The following GRAMD1B variants were observed in gnomAD, a reference collection of about 807,000 sequenced individuals.
The protein encoded by GRAMD1B is protein Aster-B.
In GRAMD1B, 37 loss-of-function variants were observed where a neutral mutation model predicts 99.7. The observed-to-expected ratio is 0.37, with a 90% CI of 0.29 to 0.49. GRAMD1B has a LOEUF of 0.49. Among genes scored for constraint, GRAMD1B ranks in the 20% least tolerant of loss-of-function variants. The pLI, the probability that GRAMD1B is intolerant of heterozygous loss-of-function variation, is 0.98. For missense variants in GRAMD1B, 888 were observed against 1,009.2 expected (o/e 0.88, Z 1.63); for synonymous variants, 427 against 387.6 (o/e 1.10, Z -1.19).
intron 18 of GRAMD1B, 41 bp downstream of exon 18, chr11:123,618,841 C>T: frequency 1.0e-6 from 1 of 986,278 alleles, no homozygotes; most frequent in Non-Finnish European, 1.6e-6. Context: ...CTTCATCCCA[C>T]CCAGTGCCAT....
rs898657567 is a variant in GRAMD1B, at chr11:123,430,445, C to G, written c.-348C>G. On this transcript the variant is annotated 5_prime_UTR_variant, in exon 1 of 20. Transcript: ENST00000635736. ...CTGCCGAGTCCCGCTAAGGCAAAGA[C>G]GCCAGCAAGCGAGGAAGCGCAGCGG... 3 of 287,644 alleles carry G rather than the reference C, an allele frequency of 1.0e-5. No individual in the cohort carries two copies. The highest frequency in any genetic ancestry group is 6.7e-5 in the African/African-American group (3 of 45,018). 17.8% of individuals were successfully genotyped at this position (287,644 alleles called of 1,614,324 possible).
chr11:123,526,292 A>G (rs1942734090), intron 2 of GRAMD1B: 2 of 833,710 alleles, frequency 2.4e-6, no homozygotes, highest in Admixed American at 2.0e-5. Context: ...AGGGGTTAAG[A>G]TGTGGGGACT....
chr11:123,380,998 C>T (rs548284213), intron 1 of GRAMD1B, among the ~76,000 whole-genome samples: 5 of 151,554 alleles, frequency 3.3e-5, no homozygotes, highest in African/African-American at 1.2e-4. Flanking sequence ...TGTTTTTTTT[C>T]TCTTCCTATA....
chr11:123,517,969 C>T (rs975556305), intron 2 of GRAMD1B, among the ~76,000 whole-genome samples: 13 of 152,150 alleles, frequency 8.5e-5, no homozygotes, highest in African/African-American at 3.1e-4. Context: ...ATCAGTCACC[C>T]TGAATTTCTC....
At chr11:123,398,157 A>G (rs906916070) in intron 1 of GRAMD1B, among the ~76,000 whole-genome samples, 1 of 152,244 alleles carries the variant, frequency 6.6e-6, no homozygotes, top group African/African-American at 2.4e-5. Flanking sequence ...TGAGTTTTCC[A>G]AAGTGCTTTA....
chr11:123,511,189 T>C (rs1210116651), intron 2 of GRAMD1B, among the ~76,000 whole-genome samples: 2 of 152,120 alleles, frequency 1.3e-5, no homozygotes, highest in African/African-American at 4.8e-5. Flanking sequence ...TTCTCCCTGT[T>C]GTATAAGGAA....
chr11:123,391,262 C>T (rs1323774077), intron 1 of GRAMD1B, among the ~76,000 whole-genome samples: 1 of 150,472 alleles, frequency 6.6e-6, no homozygotes, highest in Non-Finnish European at 1.5e-5. Flanking sequence ...AACTTCTTTA[C>T]CCCATACCCA....
intron 1 of GRAMD1B, among the ~76,000 whole-genome samples, chr11:123,478,832 G>C (rs1951436841): frequency 2.0e-5 from 3 of 152,254 alleles, no homozygotes; most frequent in Middle Eastern, 3.4e-3. Context: ...TAAATGGTGT[G>C]TTCTCCCACA....
chr11:123,621,214 C>T (rs953531327), intron 19 of GRAMD1B, among the ~76,000 whole-genome samples: 1 of 152,104 alleles, frequency 6.6e-6, no homozygotes, highest in African/African-American at 2.4e-5. Flanking sequence ...TCCCTAAATC[C>T]GTAACCATTT....
chr11:123,462,997 A>ATTAT (rs1950510185), intron 1 of GRAMD1B, among the ~76,000 whole-genome samples: 1 of 147,848 alleles, frequency 6.8e-6, no homozygotes, highest in African/African-American at 2.5e-5. Context: ...CTTCATCTTT[A>ATTAT]TTATTTATTT....
intron 2 of GRAMD1B, among the ~76,000 whole-genome samples, chr11:123,533,539 A>G (rs1161067190): frequency 6.6e-6 from 1 of 151,396 alleles, no homozygotes; most frequent in African/African-American, 2.4e-5. Context: ...TGATTCTCCC[A>G]TCTCAGCCTC....
At chr11:123,600,898 C>T (rs113896493) in intron 8 of GRAMD1B, among the ~76,000 whole-genome samples, 25 of 152,194 alleles carry the variant, frequency 1.6e-4, no homozygotes, top group African/African-American at 5.5e-4. Context: ...CAGGGTCAGT[C>T]AGGAGATGGA....
intron 14 of GRAMD1B, among the ~76,000 whole-genome samples, chr11:123,611,409 G>T (rs559213309): frequency 3.3e-5 from 5 of 152,146 alleles, no homozygotes; most frequent in Admixed American, 3.3e-4. Context: ...ACTCCAGCCT[G>T]GGAGACAGAG....
intron 2 of GRAMD1B, among the ~76,000 whole-genome samples, chr11:123,483,447 C>T (rs544104993): frequency 3.4e-5 from 5 of 145,966 alleles, no homozygotes; most frequent in South Asian, 2.1e-4. Flanking sequence ...AGTGCAGTGG[C>T]GTGATCTCAA....
At chr11:123,569,519 T>C (rs1947820567) in intron 2 of GRAMD1B, among the ~76,000 whole-genome samples, 2 of 152,190 alleles carry the variant, frequency 1.3e-5, no homozygotes, top group South Asian at 4.1e-4. Flanking sequence ...GGAGTCCTCG[T>C]AGACTCTGAA....
At chr11:123,538,869 T>G (rs1473426470) in intron 2 of GRAMD1B, among the ~76,000 whole-genome samples, 1 of 152,032 alleles carries the variant, frequency 6.6e-6, no homozygotes, top group Non-Finnish European at 1.5e-5. Flanking sequence ...CCTCAGGTGA[T>G]CCACCCACCT....
chr11:123,605,557 CTGGGGAGCAGGTAG>C, intron 10 of GRAMD1B, 79 bp downstream of exon 10: 1 of 1,168,428 alleles, frequency 8.6e-7, no homozygotes, highest in African/African-American at 1.5e-5. Context: ...GGAACCCAAT[CTGGGGAGCAGGTAG>C]AGAGGAGATT....
chr11:123,459,957 T>C (rs958843127), intron 1 of GRAMD1B: 4 of 152,234 alleles, frequency 2.6e-5, no homozygotes, highest in African/African-American at 9.6e-5. Context: ...TTTTATGTTC[T>C]TGTCCATTTT....
intron 2 of GRAMD1B, among the ~76,000 whole-genome samples, chr11:123,489,160 T>C (rs1221572063): frequency 6.6e-6 from 1 of 152,114 alleles, no homozygotes; most frequent in Non-Finnish European, 1.5e-5. Flanking sequence ...AAAATTGAAA[T>C]CATGCCTGGC....
Sources: allele counts gnomAD v4.1 joint callset (sites outside exome capture counted in the v4.1 genomes callset), GRCh38; gene constraint gnomAD v4.1.1; transcripts MANE v1.5; gene names NCBI Gene and HGNC (gene_info 2026-07-23, HGNC 2026-07-21).